IGSF1: variants seen among roughly 807,000 people sequenced by gnomAD.
IGSF1 encodes immunoglobulin superfamily member 1.
A neutral mutation model predicts 95.3 loss-of-function variants in IGSF1; 40 were observed. The ratio of observed to expected loss-of-function variants is 0.42; its 90% CI spans 0.33 to 0.55. IGSF1 has a LOEUF of 0.55. Ranked by LOEUF, IGSF1 falls within the 20% of genes least tolerant of loss-of-function variation. IGSF1 has a pLI of 0.10. For synonymous variants in IGSF1, 372 were observed against 382.9 expected, an observed-to-expected ratio of 0.97 and a Z score of 0.33; for missense variants, 906 against 1,025.4, an observed-to-expected ratio of 0.88 and a Z score of 1.59.
chrX:131,275,259 G>C lies in IGSF1; in HGVS notation c.3212C>G (p.Ala1071Gly). The stretch of plus-strand genomic sequence containing the variant: ...AGGGGCCACCATGGGACCAGGCTGG[G>C]CTAATAGGCTGGGTTTGGGGAGTAA... The part of the protein sequence containing the change: ...TGLLPKPSLL[A>G]QPGPMVAPGE... The change falls in exon 17 of 20, where the codon GCC (alanine) becomes GGC (glycine). Residue 1071 changes from alanine to glycine, a missense_variant. Ala to Gly is a moderately conservative substitution (Grantham distance 60). Transcript: ENST00000361420. 8.3e-7 allele frequency: 1 copy of C among 1,211,420 alleles called. No homozygotes were observed. The highest frequency in any genetic ancestry group is 1.1e-6 in the Non-Finnish European group (1 of 895,134).
Position 131,275,749 on chromosome X carries a change from T to C in IGSF1, c.2913A>G (p.Pro971=). The C allele has an allele frequency of 8.3e-7, 1 of 1,209,846 alleles. No homozygotes were observed. Among genetic ancestry groups the C allele is most frequent in the Non-Finnish European group, 1.1e-6 (1 of 893,983 alleles). Residue 971 remains proline (P), a synonymous_variant, in exon 16 of 20, where the codon CCA becomes CCG. Coordinates refer to ENST00000361420, the MANE Select transcript of IGSF1 (RefSeq NM_001555.5). ...CAGAACTGGGCTCAGCAAACAACCA[T>C]GGCTTAGGGAATGTGTCTAGAAAGA... ...MIWVTDTFPK[P]WLFAEPSSVV... is the part of the protein sequence containing the mutation.
At chrX:131,277,807 C>T (rs905192229) in intron 13 of IGSF1, 49 bp downstream of exon 13, 27 of 1,158,064 alleles carry the variant, frequency 2.3e-5, no homozygotes, top group Non-Finnish European at 3.1e-5. Context: ...AGGGCTTTGC[C>T]TTTCCCTCCA....
intron 5 of IGSF1, chrX:131,284,881 A>C: frequency 1.3e-6 from 1 of 764,379 alleles, no homozygotes; most frequent in Admixed American, 5.7e-5. Flanking sequence ...TACTGGTTGA[A>C]TTAATGAATG....
intron 2 of IGSF1, 25 bp downstream of exon 2, chrX:131,286,580 C>T: frequency 8.4e-7 from 1 of 1,187,354 alleles, no homozygotes; most frequent in South Asian, 1.8e-5. Context: ...GGGTCACTTG[C>T]CCCTCACCCC....
At chrX:131,280,044 G>C (rs1211238658) in intron 9 of IGSF1, among the ~76,000 whole-genome samples, 5 of 111,917 alleles carry the variant, frequency 4.5e-5, no homozygotes, top group Non-Finnish European at 7.5e-5. Flanking sequence ...CATCCTTCCT[G>C]GTGAGGAAAA....
At chrX:131,286,328 G>T in intron 3 of IGSF1, 109 bp downstream of exon 3, 2 of 694,343 alleles carry the variant, frequency 2.9e-6, no homozygotes, top group Non-Finnish European at 4.6e-6. Flanking sequence ...TTCCCAATCA[G>T]CCCAATCTAT....
intron 5 of IGSF1, among the ~76,000 whole-genome samples, chrX:131,283,954 G>A (rs970362813): frequency 7.1e-5 from 8 of 111,907 alleles, no homozygotes; most frequent in Admixed American, 1.9e-4. Context: ...CGTCATGTAG[G>A]TCTAGGTGTG....
upstream of IGSF1, chrX:131,289,378 C>G (rs765731722): frequency 2.8e-6 from 1 of 361,475 alleles, no homozygotes; most frequent in African/African-American, 2.5e-5. Context: ...ACCTCCTCCC[C>G]TCCCTGCGCC....
intron 16 of IGSF1, 90 bp from the exon 17 acceptor site, chrX:131,275,376 T>C (rs2080461473): frequency 1.8e-6 from 2 of 1,108,682 alleles, no homozygotes; most frequent in African/African-American, 1.8e-5. Context: ...GGAAAGGCAA[T>C]TGGTTGCCTC....
In IGSF1 at chrX:131,273,774, G is replaced by C; in HGVS notation, c.*22C>G. 8.4e-7 allele frequency: 1 copy of C among 1,195,533 alleles called. No individual in the cohort carries two copies. Among genetic ancestry groups the C allele is most frequent in the Non-Finnish European group, 1.1e-6 (1 of 885,287 alleles). On this transcript the variant is annotated 3_prime_UTR_variant, in exon 20 of 20. Coordinates refer to ENST00000361420, the MANE Select transcript of IGSF1 (RefSeq NM_001555.5). ...TGAGAGCAAGAGAGAGGAGAGGAAA[G>C]CTCTTGTAAAGGAGGAGATTATTAT... is the stretch of plus-strand genomic sequence containing the variant.
At chrX:131,283,324 T>C in intron 5 of IGSF1, 60 bp from the exon 6 acceptor site, 1 of 991,748 alleles carries the variant, frequency 1.0e-6, no homozygotes, top group East Asian at 3.1e-5. Flanking sequence ...TTGTCTTCTG[T>C]TTTCTCTTTC....
At chrX:131,277,407 G>A in intron 13 of IGSF1, 181 bp from the exon 14 acceptor site, 1 of 455,116 alleles carries the variant, frequency 2.2e-6, no homozygotes, top group Non-Finnish European at 3.7e-6. Flanking sequence ...CTCACACAGG[G>A]ACCCTTCAAC....
At chrX:131,277,248 C>CAAAAACA (rs747969293) in intron 13 of IGSF1, 22 bp from the exon 14 acceptor site, 1 of 1,134,773 alleles carries the variant, frequency 8.8e-7, no homozygotes, top group East Asian at 3.0e-5. Flanking sequence ...AAAACAAAAA[C>CAAAAACA]AAAAACAAAA....
rs1424622487 is a variant in IGSF1 at position 131,274,713 on chromosome X, T to A, written c.3637A>T (p.Ile1213Phe). 5 of 1,210,051 alleles carry A rather than the reference T, an allele frequency of 4.1e-6. No individual in the cohort carries two copies. The highest frequency in any genetic ancestry group is 5.6e-6 in the Non-Finnish European group (5 of 895,022). ...ATGCCTTTTCCTTCTACGTTGTTGA[T>A]GACAAAGTCTCCATCCTCTGAAAAC... Reference protein sequence around the residue: ...QQFSEDGDFVINNVEGKGIGN... With the variant: ...QQFSEDGDFVFNNVEGKGIGN... Residue 1213 changes from isoleucine to phenylalanine, a missense_variant, in exon 18 of 20, where the codon ATC (isoleucine) becomes TTC (phenylalanine). Transcript: ENST00000361420.
Position 131,281,110 on chromosome X carries a change from G to A in IGSF1, c.1646+108C>T. Reference sequence around the variant, plus strand: ...AAAGTCTTGTTCCCTAAGCCCAGAAGATAGGGGTTCTATAGGGTTTGCCTC... The same window carrying A: ...AAAGTCTTGTTCCCTAAGCCCAGAAAATAGGGGTTCTATAGGGTTTGCCTC... On this transcript the variant is annotated intron_variant, in intron 9 of 19. Transcript: ENST00000361420. 5.6e-6 allele frequency: 5 copies of A among 891,136 alleles called. No individual in the cohort carries two copies. In the South Asian group the frequency reaches 1.1e-4, roughly 20 times the overall value. The allele number at this position is 891,136 out of a possible 1,213,427, so 73.4% of individuals were successfully genotyped here.
At position 131,273,761 on chromosome X, in the gene IGSF1, A is replaced by T. The variant is rs1569399968; in HGVS notation, c.*35T>A. The stretch of plus-strand genomic sequence containing the variant: ...ATTTATAGGTCTCTGAGAGCAAGAG[A>T]GAGGAGAGGAAAGCTCTTGTAAAGG... On this transcript the variant is annotated 3_prime_UTR_variant, in exon 20 of 20. Coordinates refer to ENST00000361420, the MANE Select transcript of IGSF1 (RefSeq NM_001555.5). 8.5e-7 allele frequency: 1 copy of T among 1,179,115 alleles called. No homozygotes were observed. The highest frequency in any genetic ancestry group is 1.8e-5 in the African/African-American group (1 of 56,251).
At position 131,285,249 on chromosome X, in the gene IGSF1, G is replaced by A. The variant is rs761176122; in HGVS notation, c.597C>T (p.Cys199=). 1 of 1,210,958 alleles carries A rather than the reference G, an allele frequency of 8.3e-7. No individual in the cohort carries two copies. The highest frequency in any genetic ancestry group is 1.8e-5 in the South Asian group (1 of 56,759). Residue 199 remains cysteine, a synonymous_variant, in exon 5 of 20, where the codon TGC becomes TGT. Transcript: ENST00000361420. ...TGGGGAGCATCTGGATATGAGTGCGGCAGATGTAAACCCCTTCATCCTCAG... is the reference window on the plus strand; with the variant it reads ...TGGGGAGCATCTGGATATGAGTGCGACAGATGTAAACCCCTTCATCCTCAG... The part of the protein sequence containing the change: ...LTPEDEGVYI[C]RTHIQMLPTL...
chrX:131,284,534 C>T, intron 5 of IGSF1: 1 of 753,553 alleles, frequency 1.3e-6, no homozygotes, highest in Non-Finnish European at 1.6e-6. Context: ...TGGCCAATTC[C>T]ATCTAGAAAC....
In IGSF1 at chrX:131,282,633, C is replaced by T. The variant is rs1328632181; in HGVS notation, c.1057G>A (p.Ala353Thr). 8.3e-7 allele frequency: 1 copy of T among 1,207,741 alleles called. No individual in the cohort carries two copies. Among genetic ancestry groups the T allele is most frequent in the East Asian group, 3.0e-5 (1 of 33,754 alleles). Residue 353 changes from alanine (A) to threonine (T), a missense_variant, in exon 7 of 20, where the codon GCA becomes ACA. Physicochemically the swap from Ala to Thr is moderately conservative, Grantham distance 58 (BLOSUM62 0). This residue lies in a region of IGSF1 where 442 missense variants were observed against 448.1 expected (regional missense o/e 0.99). Coordinates refer to ENST00000361420, the MANE Select transcript of IGSF1 (RefSeq NM_001555.5). ...TTGTCTTCTCCTTTCTTATAGAGTG[C>T]AAGACCCACTCCATCCACTGGTCCT... Reference protein sequence around the residue: ...CRGPVDGVGLALYKKGEDKPL... With the variant: ...CRGPVDGVGLTLYKKGEDKPL...
Sources: gnomAD v4.1 joint callset for allele counts (sites outside exome capture counted in the v4.1 genomes callset) on GRCh38, gnomAD v4.1.1 for gene constraint, gnomAD v4.1.1 regional missense constraint, MANE v1.5 for transcripts, NCBI Gene and HGNC (gene_info 2026-07-23, HGNC 2026-07-21) for gene names.